TRPM1: variants seen among roughly 807,000 people sequenced by gnomAD.
TRPM1 encodes transient receptor potential cation channel subfamily M member 1.
Under a neutral mutation model 149.4 loss-of-function variants are expected in TRPM1, and 113 were observed. The ratio of observed to expected loss-of-function variants is 0.76; its 90% CI spans 0.65 to 0.88. The LOEUF is 0.88. Among genes scored for constraint, TRPM1 ranks in the 40% least tolerant of loss-of-function variants. TRPM1 has a pLI of 0.00. For missense variants in TRPM1, 1,976 were observed against 2,038.7 expected, an observed-to-expected ratio of 0.97 and a Z score of 0.59; for synonymous variants, 741 against 759.5, an observed-to-expected ratio of 0.98 and a Z score of 0.40.
chr15:31,058,390 A>G (rs1270158602), intron 11 of TRPM1, among the ~76,000 whole-genome samples: 1 of 152,232 alleles, frequency 6.6e-6, no homozygotes, highest in Non-Finnish European at 1.5e-5. Context: ...CCTTTGTGTG[A>G]GCCAGATAAA....
At chr15:31,095,841 C>T (rs1035352544) in intron 1 of TRPM1, among the ~76,000 whole-genome samples, 1 of 151,706 alleles carries the variant, frequency 6.6e-6, no homozygotes, top group African/African-American at 2.4e-5. Context: ...GTCAGGAGTT[C>T]GAGACCAGCC....
chr15:31,073,313 A>G (rs1416445197), intron 3 of TRPM1, among the ~76,000 whole-genome samples: 1 of 152,148 alleles, frequency 6.6e-6, no homozygotes, highest in African/African-American at 2.4e-5. Context: ...TCAATTTGCC[A>G]TAGGTGTATG....
chr15:31,033,025 AACATTCCAGGT>A, intron 21 of TRPM1, 85 bp from the exon 22 acceptor site: 5 of 1,583,528 alleles, frequency 3.2e-6, no homozygotes, highest in Non-Finnish European at 3.4e-6. Flanking sequence ...AGACTGATGG[AACATTCCAGGT>A]CATCTGGCCC....
At chr15:31,085,996 A>T (rs2140990213) in intron 1 of TRPM1, among the ~76,000 whole-genome samples, 1 of 152,226 alleles carries the variant, frequency 6.6e-6, no homozygotes, top group South Asian at 2.1e-4. Flanking sequence ...AACTTGTACG[A>T]TCACTGATCT....
At chr15:31,016,265 T>G (rs560980924) in intron 27 of TRPM1, among the ~76,000 whole-genome samples, 175 of 152,354 alleles carry the variant, frequency 1.1e-3, no homozygotes, top group African/African-American at 4.1e-3. Flanking sequence ...CATAGTGAAA[T>G]AACTTATAAC....
chr15:31,123,281 A>G (rs1457216503), intron 1 of TRPM1, among the ~76,000 whole-genome samples: 2 of 152,236 alleles, frequency 1.3e-5, no homozygotes, highest in Admixed American at 6.5e-5. Flanking sequence ...TTTGGCGATG[A>G]CTTTTCAGAT....
intron 1 of TRPM1, among the ~76,000 whole-genome samples, chr15:31,152,173 C>T (rs750904179): frequency 1.3e-5 from 2 of 152,240 alleles, no homozygotes; most frequent in Non-Finnish European, 2.9e-5. Flanking sequence ...AGGCCCTGGG[C>T]CCCATCCCTC....
chr15:31,115,214 C>T (rs986311083), intron 1 of TRPM1, among the ~76,000 whole-genome samples: 11 of 152,018 alleles, frequency 7.2e-5, no homozygotes, highest in South Asian at 2.1e-4. Context: ...GCCAAGATCG[C>T]GCCACTGCAT....
In TRPM1 at chr15:31,046,201, T is replaced by C; in HGVS notation, c.1794+3A>G. The C allele has an allele frequency of 6.2e-7, 1 of 1,611,702 alleles. No homozygotes were observed. Among genetic ancestry groups the C allele is most frequent in the Non-Finnish European group, 8.5e-7 (1 of 1,179,750 alleles). On this transcript the variant is annotated splice_donor_region_variant and intron_variant, in intron 16 of 27. Transcript: ENST00000256552. ...AAAACTGTTGAAAACAAGTTCTACT[T>C]ACTTCCATTCCCAGAAGTTTAAGAG... is the stretch of plus-strand genomic sequence containing the variant.
At chr15:31,084,654 CTCTT>C (rs2034948747) in intron 1 of TRPM1, among the ~76,000 whole-genome samples, 1 of 150,302 alleles carries the variant, frequency 6.7e-6, no homozygotes. Context: ...CATTTTTTCT[CTCTT>C]TCTTTCTTTT....
At chr15:31,047,067 G>C (rs2033786501) in intron 15 of TRPM1, 44 bp downstream of exon 15, 1 of 1,613,384 alleles carries the variant, frequency 6.2e-7, no homozygotes. Flanking sequence ...GGAACCACAT[G>C]GTACTCGCGA....
intron 1 of TRPM1, among the ~76,000 whole-genome samples, chr15:31,111,392 T>C (rs11636447): frequency 0.034 from 5,153 of 152,344 alleles, 138 homozygotes; most frequent in Non-Finnish European, 0.047. Flanking sequence ...CTAACACTTC[T>C]GAAGTCTTCA....
chr15:31,079,589 T>C (rs1457684607), intron 2 of TRPM1, among the ~76,000 whole-genome samples: 2 of 152,214 alleles, frequency 1.3e-5, no homozygotes, highest in Non-Finnish European at 2.9e-5. Flanking sequence ...GCCCATGGCT[T>C]TTGCCGTAGC....
intron 25 of TRPM1, among the ~76,000 whole-genome samples, chr15:31,027,596 C>A (rs1432809759): frequency 6.6e-6 from 1 of 152,142 alleles, no homozygotes; most frequent in Non-Finnish European, 1.5e-5. Context: ...CAACAGGAAG[C>A]AGTAAGTGCA....
chr15:31,108,477 T>C lies in TRPM1; in HGVS notation c.55-31493A>G, dbSNP rs560077767. On this transcript the variant is annotated intron_variant, in intron 1 of 26. Transcript: ENST00000542188. Reference sequence around the variant, plus strand: ...ACTTTCCACATCTCTTGCTCATTTTTCTAGAGACTCTTTTTCTTTATTTTA... The same window carrying C: ...ACTTTCCACATCTCTTGCTCATTTTCCTAGAGACTCTTTTTCTTTATTTTA... Among the ~76,000 whole-genome samples, 3 of 152,340 alleles carry C rather than the reference T, an allele frequency of 2.0e-5. No homozygotes were observed. In the South Asian group the frequency reaches 6.2e-4, roughly 32 times the overall value.
chr15:31,041,508 A>G (rs2140929285), intron 17 of TRPM1, among the ~76,000 whole-genome samples: 1 of 152,250 alleles, frequency 6.6e-6, no homozygotes, highest in South Asian at 2.1e-4. Flanking sequence ...TGACTGACCC[A>G]GGGGAAGCAC....
intron 27 of TRPM1, among the ~76,000 whole-genome samples, chr15:31,015,849 T>C (rs2032339423): frequency 6.6e-6 from 1 of 152,192 alleles, no homozygotes; most frequent in South Asian, 2.1e-4. Flanking sequence ...TCAAAGCTCT[T>C]GAGAATCTGC....
At chr15:31,119,271 T>C (rs188805473) in intron 1 of TRPM1, among the ~76,000 whole-genome samples, 162 of 146,226 alleles carry the variant, frequency 1.1e-3, no homozygotes, top group African/African-American at 4.1e-3. Flanking sequence ...AATAAATAAA[T>C]AAACTTATCT....
chr15:31,004,930 T>A (rs1003631691), intron 27 of TRPM1, among the ~76,000 whole-genome samples: 1 of 151,984 alleles, frequency 6.6e-6, no homozygotes, highest in African/African-American at 2.4e-5. Context: ...GGTGAAACCC[T>A]GTCTCTACTG....
Sources: gnomAD v4.1 joint callset for allele counts (sites outside exome capture counted in the v4.1 genomes callset) on GRCh38, gnomAD v4.1.1 for gene constraint, MANE v1.5 for transcripts, NCBI Gene and HGNC (gene_info 2026-07-23, HGNC 2026-07-21) for gene names.